CDK14: variants seen among roughly 807,000 people sequenced by gnomAD.
The protein encoded by CDK14 is cyclin dependent kinase 14.
Under a neutral mutation model 60.7 loss-of-function variants are expected in CDK14, and 34 were observed. That is an observed-to-expected ratio of 0.56 (90% CI 0.43 to 0.75). The LOEUF (loss-of-function observed/expected upper bound fraction) is 0.75, where lower values mean the gene tolerates loss of function less well. Among genes scored for constraint, CDK14 ranks in the 30% least tolerant of loss-of-function variants. CDK14 has a pLI of 0.00. For missense variants in CDK14, 482 were observed against 564.1 expected (o/e 0.85, Z 1.47); for synonymous variants, 197 against 203.7 (o/e 0.97, Z 0.28).
chr7:91,001,806 T>C (rs1022717008), intron 10 of CDK14, among the ~76,000 whole-genome samples: 2 of 152,214 alleles, frequency 1.3e-5, no homozygotes, highest in Non-Finnish European at 2.9e-5. Flanking sequence ...AAACCTTTCA[T>C]GTAACCAGAG....
At chr7:90,723,631 G>A (rs1310316942) in intron 2 of CDK14, among the ~76,000 whole-genome samples, 1 of 152,166 alleles carries the variant, frequency 6.6e-6, no homozygotes, top group East Asian at 1.9e-4. Context: ...AACAAATGCA[G>A]CCCACACTCA....
At chr7:90,726,486 T>C in intron 2 of CDK14, 81 bp from the exon 3 acceptor site, 1 of 1,445,752 alleles carries the variant, frequency 6.9e-7, no homozygotes, top group East Asian at 2.3e-5. Flanking sequence ...ATTGGCATGC[T>C]TTCTAGAGTT....
chr7:90,826,051 CA>C (rs1261520323), intron 5 of CDK14, among the ~76,000 whole-genome samples: 1 of 152,030 alleles, frequency 6.6e-6, no homozygotes, highest in East Asian at 1.9e-4. Context: ...CAATTAATTC[CA>C]GCTGTTGGAG....
At chr7:90,990,239 C>G (rs1043435451) in intron 10 of CDK14, among the ~76,000 whole-genome samples, 11 of 152,132 alleles carry the variant, frequency 7.2e-5, no homozygotes, top group African/African-American at 2.7e-4. Flanking sequence ...GATTGTGCCA[C>G]TGCACTCCAG....
At chr7:90,924,179 T>A (rs139364986) in intron 8 of CDK14, among the ~76,000 whole-genome samples, 1 of 152,368 alleles carries the variant, frequency 6.6e-6, no homozygotes, top group African/African-American at 2.4e-5. Context: ...TAGTGGGGAC[T>A]CTCTGCAGAG....
At chr7:90,648,836 A>G (rs1800524621) in intron 2 of CDK14, among the ~76,000 whole-genome samples, 4 of 152,224 alleles carry the variant, frequency 2.6e-5, no homozygotes, top group Admixed American at 2.0e-4. Context: ...ATCCTGACAG[A>G]GGAATGGTGT....
chr7:90,885,163 G>A (rs981735141), intron 6 of CDK14, among the ~76,000 whole-genome samples: 1 of 152,102 alleles, frequency 6.6e-6, no homozygotes, highest in Non-Finnish European at 1.5e-5. Context: ...TACAGAATAG[G>A]AGAAAATTTT....
At chr7:91,153,213 G>A (rs1216392614) in intron 14 of CDK14, among the ~76,000 whole-genome samples, 2 of 152,154 alleles carry the variant, frequency 1.3e-5, no homozygotes, top group Non-Finnish European at 1.5e-5. Flanking sequence ...TCAACTTGAT[G>A]CAGCAAACAA....
At chr7:90,991,467 G>A (rs1189438409) in intron 10 of CDK14, among the ~76,000 whole-genome samples, 1 of 152,100 alleles carries the variant, frequency 6.6e-6, no homozygotes, top group Non-Finnish European at 1.5e-5. Flanking sequence ...ATCAAGGGAA[G>A]GGTGACCAGA....
chr7:90,780,753 T>C (rs192917375), intron 4 of CDK14, among the ~76,000 whole-genome samples: 166 of 152,188 alleles, frequency 1.1e-3, no homozygotes, highest in African/African-American at 3.7e-3. Context: ...TATGGCTCCA[T>C]AGTATTCCAT....
chr7:91,030,306 A>G (rs1796725851), intron 10 of CDK14, among the ~76,000 whole-genome samples: 1 of 152,198 alleles, frequency 6.6e-6, no homozygotes, highest in Admixed American at 6.5e-5. Context: ...ACCTCATTCA[A>G]AGCCCTAAAA....
chr7:90,992,414 C>T (rs973073554), intron 10 of CDK14, among the ~76,000 whole-genome samples: 4 of 152,178 alleles, frequency 2.6e-5, no homozygotes, highest in African/African-American at 4.8e-5. Context: ...ATATTTATTA[C>T]GTGCTTACTC....
intron 5 of CDK14, among the ~76,000 whole-genome samples, chr7:90,813,700 G>C (rs1413970113): frequency 6.6e-6 from 1 of 151,892 alleles, no homozygotes. Context: ...AGTGAGCTGA[G>C]ATCGCGCCAC....
intron 8 of CDK14, among the ~76,000 whole-genome samples, chr7:90,931,005 TGAA>T (rs1222755540): frequency 3.3e-5 from 5 of 152,210 alleles, no homozygotes; most frequent in African/African-American, 1.2e-4. Context: ...AATAACAACA[TGAA>T]GAGCTTTCAA....
chr7:91,192,543 GC>G (rs1199297877), intron 14 of CDK14, among the ~76,000 whole-genome samples: 1 of 152,094 alleles, frequency 6.6e-6, no homozygotes, highest in African/African-American at 2.4e-5. Flanking sequence ...CTTATGGGTG[GC>G]CACACTAAGA....
intron 2 of CDK14, chr7:90,709,776 T>G (rs1584809136): frequency 7.0e-7 from 1 of 1,428,910 alleles, no homozygotes; most frequent in South Asian, 1.6e-5. Flanking sequence ...TGGGCTTTTT[T>G]TTTTTTGCTT....
intron 5 of CDK14, among the ~76,000 whole-genome samples, chr7:90,836,363 T>A (rs1206052936): frequency 6.6e-6 from 1 of 152,206 alleles, no homozygotes; most frequent in South Asian, 2.1e-4. Flanking sequence ...TTTTTTCTTT[T>A]TTACTTTTTA....
At chr7:91,096,839 C>G (rs1799006085) in intron 12 of CDK14, among the ~76,000 whole-genome samples, 1 of 152,094 alleles carries the variant, frequency 6.6e-6, no homozygotes. Flanking sequence ...CATGAGATGC[C>G]TATAACCATG....
intron 2 of CDK14, among the ~76,000 whole-genome samples, chr7:90,605,797 T>C (rs1053736574): frequency 2.6e-5 from 4 of 152,238 alleles, no homozygotes; most frequent in Non-Finnish European, 1.5e-5. Context: ...TTTGATATGA[T>C]AACATTATAT....
Sources: gnomAD v4.1 joint callset for allele counts (sites outside exome capture counted in the v4.1 genomes callset) on GRCh38, gnomAD v4.1.1 for gene constraint, MANE v1.5 for transcripts, NCBI Gene and HGNC (gene_info 2026-07-23, HGNC 2026-07-21) for gene names.